The following JMJD1C variants were observed in gnomAD, a reference collection of about 807,000 sequenced individuals.
The protein encoded by JMJD1C is jumonji domain-containing protein 1C.
In JMJD1C, 31 loss-of-function variants were observed where a neutral mutation model predicts 245.3. The ratio of observed to expected loss-of-function variants is 0.13; its 90% CI spans 0.09 to 0.17. The LOEUF (loss-of-function observed/expected upper bound fraction) is 0.17. Ranked by LOEUF, JMJD1C falls within the 10% of genes least tolerant of loss-of-function variation. The pLI is 1.00. For synonymous variants in JMJD1C, 1,057 were observed against 1,017.4 expected (o/e 1.04, Z -0.74); for missense variants, 2,691 against 3,000.2 (o/e 0.90, Z 2.41).
intron 2 of JMJD1C, among the ~76,000 whole-genome samples, chr10:63,305,686 A>G (rs1346254277): frequency 1.2e-5 from 1 of 85,648 alleles, no homozygotes; most frequent in Non-Finnish European, 2.9e-5. Context: ...GTGTGTGTTG[A>G]AAGATCTTTC....
At chr10:63,168,691 C>T (rs925800484) in intron 24 of JMJD1C, 125 bp from the exon 25 acceptor site, 7 of 816,630 alleles carry the variant, frequency 8.6e-6, no homozygotes, top group Non-Finnish European at 1.0e-5. Flanking sequence ...TCCAAAACAT[C>T]AAATGGATTT....
intron 1 of JMJD1C, among the ~76,000 whole-genome samples, chr10:63,419,784 A>G (rs1299341111): frequency 6.7e-6 from 1 of 150,172 alleles, no homozygotes; most frequent in African/African-American, 2.4e-5. Flanking sequence ...TAATCAGACA[A>G]TCCCTATCAC....
chr10:63,233,760 C>T (rs1443087261), intron 3 of JMJD1C, among the ~76,000 whole-genome samples: 1 of 5,108 alleles, frequency 2.0e-4, no homozygotes, highest in Non-Finnish European at 4.8e-4. Context: ...CGCGCGTGCA[C>T]ACACACACAC....
chr10:63,213,692 G>T lies in JMJD1C; in HGVS notation c.2475C>A (p.His825Gln). ...GTTGTTGCTGGTGTGCTAGCGCTAAGTGGCTCAAGCTGCTGGCATGAGCAC... is the reference window on the plus strand; with the variant it reads ...GTTGTTGCTGGTGTGCTAGCGCTAATTGGCTCAAGCTGCTGGCATGAGCAC... ...LESAHASSLS[H>Q]LALAHQQQQQ... is the part of the protein sequence containing the mutation. Residue 825 changes from histidine (H) to glutamine (Q), a missense_variant, in exon 8 of 26, where the codon CAC becomes CAA. Transcript: ENST00000399262. 1.2e-6 allele frequency: 2 copies of T among 1,614,234 alleles called. No individual in the cohort carries two copies. The highest frequency in any genetic ancestry group is 3.3e-5 in the Admixed American group (2 of 60,036).
chr10:63,235,236 C>A (rs1850588808), intron 3 of JMJD1C, among the ~76,000 whole-genome samples: 1 of 152,114 alleles, frequency 6.6e-6, no homozygotes, highest in African/African-American at 2.4e-5. Context: ...TGGCTCATGC[C>A]TGTAATCCCA....
intron 2 of JMJD1C, among the ~76,000 whole-genome samples, chr10:63,292,574 G>C (rs1387425281): frequency 1.3e-5 from 2 of 152,066 alleles, no homozygotes; most frequent in Non-Finnish European, 2.9e-5. Flanking sequence ...TCACGCCACT[G>C]CACTCCACCC....
chr10:63,176,559 A>T, intron 23 of JMJD1C, 86 bp from the exon 24 acceptor site: 2 of 988,266 alleles, frequency 2.0e-6, no homozygotes, highest in Non-Finnish European at 3.0e-6. Context: ...TATTTGTAAT[A>T]ACAAATCTTT....
chr10:63,179,756 G>C (rs1327892016), intron 22 of JMJD1C, among the ~76,000 whole-genome samples: 1 of 147,652 alleles, frequency 6.8e-6, no homozygotes, highest in Non-Finnish European at 1.5e-5. Flanking sequence ...CTGGGCAACA[G>C]AGCAAGGAGA....
intron 11 of JMJD1C, among the ~76,000 whole-genome samples, chr10:63,199,696 T>C (rs1454299630): frequency 1.3e-5 from 2 of 152,134 alleles, no homozygotes; most frequent in African/African-American, 4.8e-5. Flanking sequence ...CCTGAAATTG[T>C]CTTGTCTTTT....
intron 2 of JMJD1C, among the ~76,000 whole-genome samples, chr10:63,319,728 C>A (rs1263273504): frequency 2.1e-4 from 32 of 152,106 alleles, no homozygotes; most frequent in Non-Finnish European, 1.2e-4. Context: ...CAATTTTGTT[C>A]TTCAAATAGA....
intron 3 of JMJD1C, among the ~76,000 whole-genome samples, chr10:63,253,297 C>G (rs1266803636): frequency 6.6e-6 from 1 of 151,876 alleles, no homozygotes; most frequent in African/African-American, 2.4e-5. Context: ...GAAGAGCACT[C>G]AATGTGGAAA....
At chr10:63,270,858 T>C (rs1856210649) in intron 2 of JMJD1C, among the ~76,000 whole-genome samples, 1 of 152,164 alleles carries the variant, frequency 6.6e-6, no homozygotes, top group Non-Finnish European at 1.5e-5. Flanking sequence ...AGAGATGGAA[T>C]GGAATATAAA....
intron 2 of JMJD1C, among the ~76,000 whole-genome samples, chr10:63,301,981 A>G (rs1323074748): frequency 3.9e-5 from 6 of 152,206 alleles, no homozygotes; most frequent in Non-Finnish European, 8.8e-5. Context: ...GGCTGGCTGC[A>G]TTGTATTCCA....
chr10:63,352,364 A>G (rs1944433663), intron 2 of JMJD1C, among the ~76,000 whole-genome samples: 1 of 152,196 alleles, frequency 6.6e-6, no homozygotes, highest in Admixed American at 6.5e-5. Context: ...CTGGCCAGCC[A>G]TGGTAGCTCA....
intron 1 of JMJD1C, among the ~76,000 whole-genome samples, chr10:63,462,641 G>C (rs766383038): frequency 1.3e-5 from 2 of 152,138 alleles, no homozygotes; most frequent in Non-Finnish European, 2.9e-5. Context: ...GAGATGACTA[G>C]GGAAAAACGG....
intron 1 of JMJD1C, among the ~76,000 whole-genome samples, chr10:63,441,708 C>T (rs1009107518): frequency 6.6e-6 from 1 of 152,088 alleles, no homozygotes; most frequent in Non-Finnish European, 1.5e-5. Context: ...GGGTTAACTC[C>T]AACATATGGT....
intron 2 of JMJD1C, among the ~76,000 whole-genome samples, chr10:63,302,633 AT>A (rs1860241436): frequency 6.6e-6 from 1 of 152,364 alleles, no homozygotes; most frequent in South Asian, 2.1e-4. Flanking sequence ...ATGTATGAAT[AT>A]AAAAATCTTA....
Position 63,380,315 on chromosome 10 carries a change from T to C in JMJD1C, c.333+3A>G. 6.2e-7 allele frequency: 1 copy of C among 1,613,604 alleles called. No homozygotes were observed. The highest frequency in any genetic ancestry group is 8.5e-7 in the Non-Finnish European group (1 of 1,179,562). On this transcript the variant is annotated splice_donor_region_variant and intron_variant, in intron 2 of 25. Transcript: ENST00000399262. Reference sequence around the variant, plus strand: ...TGCTTAATGAAACAGGAATAGATCTTACCAATGCAGGCCACTGAATCTGTT... The same window carrying C: ...TGCTTAATGAAACAGGAATAGATCTCACCAATGCAGGCCACTGAATCTGTT...
At chr10:63,444,595 A>C (rs1180797024) in intron 1 of JMJD1C, among the ~76,000 whole-genome samples, 1 of 151,766 alleles carries the variant, frequency 6.6e-6, no homozygotes, top group East Asian at 1.9e-4. Context: ...TTAATTAATT[A>C]AACAAACAAT....
Sources: allele counts gnomAD v4.1 joint callset (sites outside exome capture counted in the v4.1 genomes callset), GRCh38; gene constraint gnomAD v4.1.1; transcripts MANE v1.5; gene names NCBI Gene and HGNC (gene_info 2026-07-23, HGNC 2026-07-21).